Variants in ATP6V1C1 observed in about 807,000 individuals in gnomAD.
ATP6V1C1 encodes the protein ATPase H+ transporting V1 subunit C1, also known as V-type proton ATPase subunit C 1.
In ATP6V1C1, 45 loss-of-function variants were observed where a neutral mutation model predicts 53.9. The observed-to-expected ratio is 0.83, with a 90% CI of 0.66 to 1.07. ATP6V1C1 has a LOEUF of 1.07. ATP6V1C1 is among the 50% of genes least tolerant of loss of function. The pLI, the probability that ATP6V1C1 is intolerant of heterozygous loss-of-function variation, is 0.00. For synonymous variants in ATP6V1C1, 153 were observed against 155.2 expected (o/e 0.99, Z 0.11); for missense variants, 315 against 440.3 (o/e 0.72, Z 2.55).
At position 103,063,142 on chromosome 8, in the gene ATP6V1C1, G is replaced by A. The variant is rs762273775; in HGVS notation, c.742G>A (p.Val248Ile). 7.4e-6 allele frequency: 12 copies of A among 1,612,928 alleles called. No individual in the cohort carries two copies. The highest frequency in any genetic ancestry group is 9.3e-6 in the Non-Finnish European group (11 of 1,179,244). The part of the protein sequence containing the change: ...RHKARENKFI[V>I]RDFQYNEEEM... ...TTTTTCCCCCAAATTTAGATTCATT[G>A]TTCGTGACTTCCAGTATAATGAAGA... Residue 248 changes from valine to isoleucine, a missense_variant, in exon 10 of 13, where the codon GTT (valine) becomes ATT (isoleucine). Coordinates refer to ENST00000518738, the MANE Select transcript of ATP6V1C1 (RefSeq NM_001695.5).
At chr8:103,064,483 G>T in intron 10 of ATP6V1C1, 1 of 339,188 alleles carries the variant, frequency 2.9e-6, no homozygotes, top group Non-Finnish European at 5.3e-6. Context: ...TAGTGAATTG[G>T]TTCAATGCAT....
Position 103,048,887 on chromosome 8 carries a change from C to T in ATP6V1C1, c.218C>T (p.Ala73Val), listed in dbSNP as rs775961844. 6.2e-7 allele frequency: 1 copy of T among 1,612,996 alleles called. No homozygotes were observed. The highest frequency in any genetic ancestry group is 8.5e-7 in the Non-Finnish European group (1 of 1,179,508). The change falls in exon 4 of 13, where the codon GCT becomes GTT. Residue 73 changes from alanine (A) to valine (V), a missense_variant. Ala to Val is a moderately conservative substitution (Grantham distance 64, BLOSUM62 0). Coordinates refer to ENST00000518738, the MANE Select transcript of ATP6V1C1 (RefSeq NM_001695.5). Reference protein sequence around the residue: ...AFVEGVVKKVAQYMADVLEDS... With the variant: ...AFVEGVVKKVVQYMADVLEDS... ...TTCCCCAGAGTGGTTAAGAAAGTAG[C>T]TCAATACATGGCTGATGTATTGGAA... is the stretch of plus-strand genomic sequence containing the variant.
intron 1 of ATP6V1C1, 90 bp from the exon 2 acceptor site, chr8:103,040,708 G>T (rs1301151371): frequency 6.8e-6 from 8 of 1,181,224 alleles, no homozygotes; most frequent in South Asian, 4.9e-5. Flanking sequence ...TTTGAAACAG[G>T]TTATATGTTA....
At chr8:103,048,204 T>C (rs897512916) in intron 3 of ATP6V1C1, among the ~76,000 whole-genome samples, 2 of 152,298 alleles carry the variant, frequency 1.3e-5, no homozygotes, top group African/African-American at 4.8e-5. Context: ...GACAAGGTCA[T>C]ATGTAGGTGA....
At position 103,070,218 on chromosome 8, in the gene ATP6V1C1, A is replaced by T. The variant is rs1401235136; in HGVS notation, c.*1471A>T. 2.0e-5 allele frequency: 3 copies of T among 152,218 alleles called. No individual in the cohort carries two copies. Among genetic ancestry groups the T allele is most frequent in the Admixed American group, 2.0e-4 (3 of 15,284 alleles). 9.4% of individuals were successfully genotyped at this position (152,218 alleles called of 1,614,324 possible). ...GTGTCTGTCATCATGTGTTTAGCCG[A>T]GTGGATGGATAGTCTGCTTGTTTTT... On this transcript the variant is annotated 3_prime_UTR_variant, in exon 13 of 13. Transcript: ENST00000518738.
intron 8 of ATP6V1C1, among the ~76,000 whole-genome samples, chr8:103,058,885 A>T (rs1817338538): frequency 1.3e-5 from 2 of 152,202 alleles, no homozygotes; most frequent in Non-Finnish European, 2.9e-5. Context: ...GCTGTGGCCA[A>T]AGAAGTGGAG....
intron 1 of ATP6V1C1, among the ~76,000 whole-genome samples, chr8:103,024,303 A>AT (rs976915012): frequency 6.6e-6 from 1 of 152,134 alleles, no homozygotes; most frequent in African/African-American, 2.4e-5. Context: ...ACTCATTTTT[A>AT]TTTTTTTGGT....
intron 5 of ATP6V1C1, among the ~76,000 whole-genome samples, chr8:103,051,421 G>A (rs1298349451): frequency 2.6e-5 from 4 of 152,052 alleles, no homozygotes; most frequent in African/African-American, 7.2e-5. Flanking sequence ...CAAATTTTAA[G>A]GGTACCCAAG....
intron 7 of ATP6V1C1, among the ~76,000 whole-genome samples, chr8:103,054,506 A>G (rs1817254314): frequency 6.6e-6 from 1 of 152,114 alleles, no homozygotes; most frequent in African/African-American, 2.4e-5. Flanking sequence ...TGAAGTAGCC[A>G]TAGATGATAT....
Sources: gnomAD v4.1 joint callset for allele counts (sites outside exome capture counted in the v4.1 genomes callset) on GRCh38, gnomAD v4.1.1 for gene constraint, MANE v1.5 for transcripts, NCBI Gene and HGNC (gene_info 2026-07-23, HGNC 2026-07-21) for gene names.